PCAT7: variants seen among roughly 807,000 people sequenced by gnomAD.
PCAT7 encodes prostate cancer associated transcript 7, also known as prostate cancer associated transcript 7 (non-protein coding).
chr9:94,563,612 T>C, intron 2 of PCAT7: 1 of 855,202 alleles, frequency 1.2e-6, no homozygotes, highest in South Asian at 1.8e-5. Context: ...ATTATATAAT[T>C]GTGCATTTCA....
intron 2 of PCAT7, among the ~76,000 whole-genome samples, chr9:94,562,147 TA>T (rs796487611): frequency 6.6e-6 from 1 of 151,586 alleles, no homozygotes; most frequent in East Asian, 2.0e-4. Context: ...CCGTCTCTAC[TA>T]AAAATACAAA....
chr9:94,558,964 C>T, intron 1 of PCAT7: 5 of 1,614,078 alleles, frequency 3.1e-6, no homozygotes, highest in Non-Finnish European at 4.2e-6. Flanking sequence ...TTTTTCTGCA[C>T]ACAGGTGAGA....
intron 2 of PCAT7, among the ~76,000 whole-genome samples, chr9:94,560,949 G>C (rs1427468302): frequency 6.6e-6 from 1 of 151,890 alleles, no homozygotes; most frequent in Non-Finnish European, 1.5e-5. Flanking sequence ...TAAAGTAGTG[G>C]GTGTCCAGAA....
At chr9:94,567,166 C>T in intron 2 of PCAT7, 2 of 1,162,424 alleles carry the variant, frequency 1.7e-6, no homozygotes, top group South Asian at 2.7e-5. Flanking sequence ...CAGCCATAAA[C>T]AGTGGCACCA....
At chr9:94,562,231 AC>A (rs1827118842) in intron 2 of PCAT7, among the ~76,000 whole-genome samples, 1 of 150,030 alleles carries the variant, frequency 6.7e-6, no homozygotes, top group Non-Finnish European at 1.5e-5. Context: ...AATGGTGTGA[AC>A]CTGGGAGGCG....
chr9:94,563,173 C>T (rs2131442336), intron 2 of PCAT7, among the ~76,000 whole-genome samples: 1 of 152,282 alleles, frequency 6.6e-6, no homozygotes. Context: ...TTCAAACCTC[C>T]CACAGCCTGG....
intron 2 of PCAT7, among the ~76,000 whole-genome samples, chr9:94,562,449 C>T (rs770849982): frequency 6.6e-6 from 1 of 152,044 alleles, no homozygotes; most frequent in Non-Finnish European, 1.5e-5. Context: ...GGTGAATACA[C>T]CTGGGCTAAG....
intron 2 of PCAT7, chr9:94,567,688 T>G (rs1457700999): frequency 5.5e-6 from 2 of 364,074 alleles, no homozygotes; most frequent in Non-Finnish European, 1.0e-5. Context: ...CATCTTCCAC[T>G]GTCAGTGAGG....
chr9:94,566,749 G>C (rs1028187370), intron 2 of PCAT7, among the ~76,000 whole-genome samples: 1 of 152,172 alleles, frequency 6.6e-6, no homozygotes, highest in African/African-American at 2.4e-5. Flanking sequence ...TAAATTCCCA[G>C]TATCTCAGTT....
At chr9:94,567,421 G>C in intron 2 of PCAT7, 4 of 1,611,854 alleles carry the variant, frequency 2.5e-6, no homozygotes, top group Non-Finnish European at 3.4e-6. Context: ...GCAACATGAA[G>C]AGAGATGCCA....
In PCAT7 at chr9:94,559,565, C is replaced by T. The variant is rs193272906; in HGVS notation, n.441+413C>T. On this transcript the variant is annotated intron_variant and non_coding_transcript_variant, in intron 2 of 8. Transcript: ENST00000647389. Reference sequence around the variant, plus strand: ...GACAGTAAGGTCACCTTGACCATGCCGGCTTGTCTCTCTGGGGACAGCCAC... The same window carrying T: ...GACAGTAAGGTCACCTTGACCATGCTGGCTTGTCTCTCTGGGGACAGCCAC... Among the ~76,000 whole-genome samples, 426 of 152,242 alleles carry T rather than the reference C, an allele frequency of 2.8e-3. 1 individual carries two copies. Among genetic ancestry groups the T allele is most frequent in the Non-Finnish European group, 5.0e-3 (338 of 68,022 alleles).
chr9:94,565,152 T>A (rs1465527641), intron 2 of PCAT7, among the ~76,000 whole-genome samples: 1 of 152,104 alleles, frequency 6.6e-6, no homozygotes, highest in Non-Finnish European at 1.5e-5. Flanking sequence ...GGCAGGTGGA[T>A]CACCTGTGGT....
At chr9:94,562,570 C>G (rs1449379621) in intron 2 of PCAT7, among the ~76,000 whole-genome samples, 1 of 152,126 alleles carries the variant, frequency 6.6e-6, no homozygotes, top group Non-Finnish European at 1.5e-5. Flanking sequence ...TCGAATAATT[C>G]AAATCTCAAG....
At chr9:94,572,575 C>T (rs998517087) in intron 2 of PCAT7, among the ~76,000 whole-genome samples, 2 of 152,192 alleles carry the variant, frequency 1.3e-5, no homozygotes, top group Non-Finnish European at 2.9e-5. Context: ...TTTTCATTCA[C>T]GGGCTTAGTG....
At chr9:94,571,495 T>C in intron 2 of PCAT7, 1 of 1,613,802 alleles carries the variant, frequency 6.2e-7, no homozygotes. Flanking sequence ...CGCCTTGCCC[T>C]GTGGAGAGAG....
intron 1 of PCAT7, among the ~76,000 whole-genome samples, chr9:94,555,839 T>G (rs1826999884): frequency 6.7e-6 from 1 of 148,452 alleles, no homozygotes. Flanking sequence ...GAAAAGAGGG[T>G]GGCGAGAGGG....
chr9:94,554,870 C>T (rs73653482), upstream of PCAT7, among the ~76,000 whole-genome samples: 6,221 of 152,278 alleles, frequency 0.041, 410 homozygotes, highest in African/African-American at 0.14. Flanking sequence ...TCCCCACACC[C>T]ACACATAAGT....
intron 2 of PCAT7, among the ~76,000 whole-genome samples, chr9:94,560,893 C>A (rs1251508063): frequency 2.0e-5 from 3 of 148,620 alleles, no homozygotes; most frequent in Non-Finnish European, 2.9e-5. Context: ...GTATTTACTG[C>A]CATTTTGGTC....
At position 94,571,456 on chromosome 9, in the gene PCAT7, A is replaced by T. The variant is rs1827267554; in HGVS notation, n.442-1523A>T. On this transcript the variant is annotated intron_variant and non_coding_transcript_variant, in intron 2 of 8. Coordinates refer to ENST00000647389, the Ensembl canonical transcript of PCAT7. ...AGGCACAGATGATGCCATATTCTGT[A>T]CCTACCGGGTCAAGCATGAAGAGGT... 1 of 1,607,666 alleles carries T rather than the reference A, an allele frequency of 6.2e-7. No individual in the cohort carries two copies. The highest frequency in any genetic ancestry group is 8.5e-7 in the Non-Finnish European group (1 of 1,177,174).
Sources: allele counts gnomAD v4.1 joint callset (sites outside exome capture counted in the v4.1 genomes callset), GRCh38; gene constraint gnomAD v4.1.1; transcripts MANE v1.5; gene names NCBI Gene and HGNC (gene_info 2026-07-23, HGNC 2026-07-21).